SUSD1: variants seen among roughly 807,000 people sequenced by gnomAD.
The protein encoded by SUSD1 is sushi domain containing 1.
In SUSD1, 65 loss-of-function variants were observed where a neutral mutation model predicts 86.9. The observed-to-expected ratio is 0.75, with a 90% confidence interval of 0.61 to 0.92. The LOEUF is 0.92. Ranked by LOEUF, SUSD1 falls within the 40% of genes least tolerant of loss-of-function variation. SUSD1 has a pLI of 0.00. For missense variants in SUSD1, 850 were observed against 929.7 expected, an observed-to-expected ratio of 0.91 and a Z score of 1.11; for synonymous variants, 346 against 350.0, an observed-to-expected ratio of 0.99 and a Z score of 0.13.
At chr9:112,145,574 C>T (rs1832776185) in intron 3 of SUSD1, among the ~76,000 whole-genome samples, 1 of 152,200 alleles carries the variant, frequency 6.6e-6, no homozygotes, top group South Asian at 2.1e-4. Context: ...GCCAATGCAC[C>T]TGGCTATAAT....
intron 8 of SUSD1, chr9:112,103,229 A>T: frequency 2.4e-6 from 1 of 423,870 alleles, no homozygotes; most frequent in East Asian, 7.2e-5. Flanking sequence ...CATTTTCAAT[A>T]TCACTGACAT....
intron 10 of SUSD1, among the ~76,000 whole-genome samples, chr9:112,087,284 T>C (rs1830024798): frequency 6.6e-6 from 1 of 152,156 alleles, no homozygotes; most frequent in African/African-American, 2.4e-5. Context: ...TGGGTTCAAG[T>C]GACTCTTCTG....
intron 5 of SUSD1, among the ~76,000 whole-genome samples, chr9:112,128,049 C>A (rs559867749): frequency 3.0e-4 from 46 of 151,282 alleles, no homozygotes; most frequent in African/African-American, 9.7e-4. Context: ...GCAATCTTAC[C>A]GGCCTCAACT....
intron 1 of SUSD1, among the ~76,000 whole-genome samples, chr9:112,166,903 A>T (rs1035324855): frequency 3.9e-5 from 6 of 152,180 alleles, no homozygotes; most frequent in African/African-American, 1.4e-4. Context: ...AGAAAACCTG[A>T]CAAGTGCTCT....
intron 2 of SUSD1, among the ~76,000 whole-genome samples, chr9:112,153,168 G>C (rs981206802): frequency 6.6e-6 from 1 of 151,600 alleles, no homozygotes; most frequent in Non-Finnish European, 1.5e-5. Context: ...TTGGGAGGCC[G>C]AGGTGGAAGG....
At chr9:112,053,676 GAAGGGACTTCAAATAGC>G (rs1186130494) in intron 14 of SUSD1, among the ~76,000 whole-genome samples, 1 of 152,186 alleles carries the variant, frequency 6.6e-6, no homozygotes, top group African/African-American at 2.4e-5. Context: ...CTGGAGAATG[GAAGGGACTTCAAATAGC>G]AAGGCCATTT....
intron 1 of SUSD1, among the ~76,000 whole-genome samples, chr9:112,164,582 A>T (rs1833699466): frequency 6.6e-6 from 1 of 152,076 alleles, no homozygotes. Context: ...TATCCCATAA[A>T]TATACACACC....
intron 14 of SUSD1, among the ~76,000 whole-genome samples, chr9:112,055,477 G>A (rs891866170): frequency 1.3e-5 from 2 of 152,062 alleles, no homozygotes; most frequent in Non-Finnish European, 2.9e-5. Context: ...ATAATAGGAT[G>A]CCTATTATAA....
intron 1 of SUSD1, among the ~76,000 whole-genome samples, chr9:112,165,956 A>AG (rs1833800261): frequency 6.7e-6 from 1 of 148,208 alleles, no homozygotes; most frequent in Non-Finnish European, 1.5e-5. Context: ...AAAGAAAGAA[A>AG]GAAAGAAAGA....
chr9:112,091,163 G>T (rs1830190071), intron 10 of SUSD1, among the ~76,000 whole-genome samples: 2 of 151,964 alleles, frequency 1.3e-5, no homozygotes, highest in African/African-American at 4.8e-5. Flanking sequence ...CTACAAGTAT[G>T]GGTTTCTCAG....
chr9:112,048,577 C>T (rs1289625141), intron 15 of SUSD1, among the ~76,000 whole-genome samples: 3 of 152,188 alleles, frequency 2.0e-5, no homozygotes, highest in Non-Finnish European at 4.4e-5. Flanking sequence ...TGATTGAACA[C>T]CTAATGCATG....
chr9:112,058,749 T>A (rs900402580), intron 13 of SUSD1, 63 bp from the exon 14 acceptor site: 1 of 1,573,692 alleles, frequency 6.4e-7, no homozygotes, highest in Admixed American at 1.9e-5. Context: ...CATTCATTCA[T>A]ATTTATTGAG....
Position 112,101,147 on chromosome 9 carries a change from A to G in SUSD1, c.1281+1029T>C, listed in dbSNP as rs146103425. ...GAAGCTGAGGCGGGTGGATCACTTG[A>G]GGTCAGGAGTTTGAGACCAGCCTAG... On this transcript the variant is annotated intron_variant, in intron 9 of 16. Transcript: ENST00000374270. Among the ~76,000 whole-genome samples the G allele has an allele frequency of 2.9e-3, 443 of 152,048 alleles. 3 individuals carry two copies. Among genetic ancestry groups the G allele is most frequent in the African/African-American group, 0.01 (417 of 41,476 alleles).
chr9:112,123,233 C>G (rs1831623308), intron 6 of SUSD1, among the ~76,000 whole-genome samples: 1 of 152,044 alleles, frequency 6.6e-6, no homozygotes. Flanking sequence ...AGGTGAGGGC[C>G]CTGGGAAGTT....
intron 2 of SUSD1, among the ~76,000 whole-genome samples, chr9:112,155,596 T>G (rs982895101): frequency 1.3e-5 from 2 of 152,096 alleles, no homozygotes; most frequent in Non-Finnish European, 2.9e-5. Context: ...TTTTTTGGTT[T>G]TTTTGTTTGT....
rs910276809 is a variant in SUSD1 at position 112,042,034 on chromosome 9, T to C, written c.2150-74A>G. ...CTCCCAGGAGGCACACACCCCACTG[T>C]GCTCAATCCATTTTAACCCAGAGCT... is the stretch of plus-strand genomic sequence containing the variant. On this transcript the variant is annotated intron_variant, in intron 15 of 16. Coordinates refer to ENST00000374270, the MANE Select transcript of SUSD1 (RefSeq NM_022486.5). 1.5e-5 allele frequency: 24 copies of C among 1,578,780 alleles called. No individual in the cohort carries two copies. The Admixed American group carries it at 4.4e-4, about 29-fold the overall frequency.
At chr9:112,129,810 T>C (rs540066354) in intron 5 of SUSD1, among the ~76,000 whole-genome samples, 41 of 152,238 alleles carry the variant, frequency 2.7e-4, no homozygotes, top group Non-Finnish European at 5.1e-4. Flanking sequence ...CCGTTGTTCA[T>C]TGATAGCTTG....
At chr9:112,072,847 A>G (rs1211255399) in intron 12 of SUSD1, among the ~76,000 whole-genome samples, 2 of 152,236 alleles carry the variant, frequency 1.3e-5, no homozygotes, top group Non-Finnish European at 2.9e-5. Context: ...AAAGGAAAAC[A>G]GCTGGCATGA....
At chr9:112,160,828 C>A (rs1833533043) in intron 1 of SUSD1, among the ~76,000 whole-genome samples, 1 of 152,172 alleles carries the variant, frequency 6.6e-6, no homozygotes. Context: ...GTTCAAGGAA[C>A]TGGTTGAAAA....
Sources: gnomAD v4.1 joint callset for allele counts (sites outside exome capture counted in the v4.1 genomes callset) on GRCh38, gnomAD v4.1.1 for gene constraint, MANE v1.5 for transcripts, NCBI Gene and HGNC (gene_info 2026-07-23, HGNC 2026-07-21) for gene names.